COL6A6: variants seen among roughly 807,000 people sequenced by gnomAD.
The protein encoded by COL6A6 is collagen alpha-6(VI) chain.
A neutral mutation model predicts 208.6 loss-of-function variants in COL6A6; 183 were observed. The observed-to-expected ratio is 0.88, with a 90% CI of 0.78 to 0.99. The LOEUF (loss-of-function observed/expected upper bound fraction) is 0.99. Ranked by LOEUF, COL6A6 falls within the 50% of genes least tolerant of loss-of-function variation. The pLI is 0.00. For synonymous variants in COL6A6, 973 were observed against 1,011.8 expected, an observed-to-expected ratio of 0.96 and a Z score of 0.73; for missense variants, 2,816 against 2,815.2, an observed-to-expected ratio of 1.00 and a Z score of -0.01.
At chr3:130,581,937 G>T in intron 9 of COL6A6, 33 bp downstream of exon 9, 1 of 1,592,788 alleles carries the variant, frequency 6.3e-7, no homozygotes, top group Non-Finnish European at 8.6e-7. Flanking sequence ...GTTGGTCTAT[G>T]ATTGCAATGA....
chr3:130,589,258 G>T (rs1352565346), intron 12 of COL6A6, 76 bp downstream of exon 12: 1 of 1,006,982 alleles, frequency 9.9e-7, no homozygotes, highest in Non-Finnish European at 1.5e-6. Context: ...TAGAAATAAG[G>T]GGTGATTTTT....
In COL6A6 at chr3:130,557,933, C is replaced by A. The variant is rs1309634476; in HGVS notation, c.-31-2401C>A. Among the ~76,000 whole-genome samples, 3 of 152,040 alleles carry A rather than the reference C, an allele frequency of 2.0e-5. No individual in the cohort carries two copies. In the East Asian group the frequency reaches 5.8e-4, roughly 29 times the overall value. ...AGATTTTTTAAAAAGACCTTTATAG[C>A]ATATAAAGAGAAAGTATTAGCCTCA... On this transcript the variant is annotated intron_variant, in intron 1 of 36. Transcript: ENST00000358511.
At chr3:130,553,548 T>C (rs1455834376) in intron 1 of COL6A6, among the ~76,000 whole-genome samples, 2 of 152,220 alleles carry the variant, frequency 1.3e-5, no homozygotes, top group Non-Finnish European at 2.9e-5. Context: ...ATCTCCTGTA[T>C]CATTTTATTG....
intron 23 of COL6A6, among the ~76,000 whole-genome samples, chr3:130,617,855 T>C (rs968863095): frequency 6.6e-6 from 1 of 152,188 alleles, no homozygotes; most frequent in Non-Finnish European, 1.5e-5. Context: ...CAAGGTGTCC[T>C]TGGCAATGCC....
chr3:130,619,710 G>A (rs1425357524), intron 23 of COL6A6, among the ~76,000 whole-genome samples: 2 of 151,884 alleles, frequency 1.3e-5, no homozygotes, highest in Non-Finnish European at 2.9e-5. Flanking sequence ...AAGAGGGAGG[G>A]GTACAGAAAG....
chr3:130,649,566 T>C lies in COL6A6; in HGVS notation c.5733+4T>C. On this transcript the variant is annotated splice_donor_region_variant and intron_variant, in intron 33 of 36. Transcript: ENST00000358511. ...CTCGGTCAGGCGCGCATTTGCGGTA[T>C]GAGGATGAAACCTTTCACATGACAA... The C allele has an allele frequency of 6.4e-7, 1 of 1,571,766 alleles. No individual in the cohort carries two copies. The highest frequency in any genetic ancestry group is 8.6e-7 in the Non-Finnish European group (1 of 1,159,544).
At chr3:130,627,710 A>T (rs1476029034) in intron 26 of COL6A6, among the ~76,000 whole-genome samples, 3 of 152,180 alleles carry the variant, frequency 2.0e-5, no homozygotes, top group Non-Finnish European at 4.4e-5. Flanking sequence ...CAGTCCTCTT[A>T]TTATTATGTT....
At chr3:130,550,567 T>C (rs2062619309) in intron 1 of COL6A6, among the ~76,000 whole-genome samples, 1 of 152,160 alleles carries the variant, frequency 6.6e-6, no homozygotes, top group Admixed American at 6.5e-5. Flanking sequence ...GAATCATGGA[T>C]GGAGGTGAAA....
Position 130,641,664 on chromosome 3 carries a change from C to T in COL6A6, c.5104C>T (p.Leu1702Phe), listed in dbSNP as rs1327509688. ...ATTCTCCTTTGAGATATCTGCTGGG[C>T]TTCCAGGAGAGATGGGATCCCCTGG... Reference protein sequence around the residue: ...GARGKMISAGLPGEMGSPGEP... With the variant: ...GARGKMISAGFPGEMGSPGEP... Residue 1702 changes from leucine to phenylalanine, a missense_variant, in exon 29 of 37, where the codon CTT (leucine) becomes TTT (phenylalanine). By Grantham distance (22) the Leu-to-Phe change is conservative (BLOSUM62 0). Transcript: ENST00000358511. 2 of 1,591,152 alleles carry T rather than the reference C, an allele frequency of 1.3e-6. No homozygotes were observed. The highest frequency in any genetic ancestry group is 1.7e-6 in the Non-Finnish European group (2 of 1,161,460).
chr3:130,579,273 CAATG>C (rs761502463), intron 8 of COL6A6, among the ~76,000 whole-genome samples: 1 of 152,174 alleles, frequency 6.6e-6, no homozygotes, highest in Non-Finnish European at 1.5e-5. Context: ...TGGCAGGAAA[CAATG>C]AGACTATAAC....
intron 26 of COL6A6, among the ~76,000 whole-genome samples, chr3:130,634,240 AAT>A (rs1491292846): frequency 1.4e-5 from 2 of 139,308 alleles, no homozygotes; most frequent in African/African-American, 2.6e-5. Context: ...TAAATAAATA[AAT>A]AAAAAAAAAA....
At chr3:130,641,434 A>G (rs769682077) in intron 28 of COL6A6, among the ~76,000 whole-genome samples, 1 of 152,228 alleles carries the variant, frequency 6.6e-6, no homozygotes, top group African/African-American at 2.4e-5. Flanking sequence ...ATAAGAAAAG[A>G]CATCAAAATG....
intron 1 of COL6A6, among the ~76,000 whole-genome samples, chr3:130,550,591 T>C (rs2062619831): frequency 6.6e-6 from 1 of 152,208 alleles, no homozygotes; most frequent in South Asian, 2.1e-4. Flanking sequence ...ACTTCTTGCA[T>C]GGCAGCAGCA....
intron 1 of COL6A6, among the ~76,000 whole-genome samples, 76 bp downstream of exon 1, chr3:130,517,473 G>C (rs1710806446): frequency 6.6e-6 from 1 of 152,264 alleles, no homozygotes; most frequent in Non-Finnish European, 1.5e-5. Context: ...GGATGGGAGG[G>C]ACCGGCCAGA....
chr3:130,518,748 C>T (rs542590652), intron 1 of COL6A6, among the ~76,000 whole-genome samples: 3 of 152,112 alleles, frequency 2.0e-5, no homozygotes, highest in Non-Finnish European at 4.4e-5. Context: ...TTAGGTGATC[C>T]GCCCGCCTCA....
chr3:130,550,182 TGTTA>T (rs1298031250), intron 1 of COL6A6, among the ~76,000 whole-genome samples: 1 of 152,214 alleles, frequency 6.6e-6, no homozygotes, highest in African/African-American at 2.4e-5. Flanking sequence ...TTGCTGAAGT[TGTTA>T]ATTAGATCAA....
Position 130,643,012 on chromosome 3 carries a change from G to C in COL6A6, c.5216G>C (p.Arg1739Pro), listed in dbSNP as rs16830494. The C allele has an allele frequency of 6.2e-7, 1 of 1,613,542 alleles. No individual in the cohort carries two copies. Residue 1739 changes from arginine to proline, a missense_variant, in exon 31 of 37, where the codon CGA becomes CCA. Arg to Pro is a moderately radical substitution (Grantham distance 103). Transcript: ENST00000358511. ...ACATGTGAGCTCATTCAGTATGTGC[G>C]AGACCGCAGTCGTAAGTACCCTGCT... The part of the protein sequence containing the change: ...FSTCELIQYV[R>P]DRSPGRHGKP...
Position 130,661,937 on chromosome 3 carries a change from T to G in COL6A6, c.6131T>G (p.Met2044Arg). 1 of 1,614,024 alleles carries G rather than the reference T, an allele frequency of 6.2e-7. No individual in the cohort carries two copies. The highest frequency in any genetic ancestry group is 8.5e-7 in the Non-Finnish European group (1 of 1,179,884). The change falls in exon 35 of 37, where the codon ATG becomes AGG. Residue 2044 changes from methionine (M) to arginine (R), a missense_variant. Met to Arg is a moderately conservative substitution (Grantham distance 91). Transcript: ENST00000358511. ...NLTTYRSKRL[M>R]KRHVHESVKQ... ...ACCACCTACAGAAGTAAGCGCCTCA[T>G]GAAGAGGCATGTGCACGAGTCAGTT...
Position 130,525,650 on chromosome 3 carries a change from G to A in COL6A6, c.-32+8253G>A, listed in dbSNP as rs143640959. Among the ~76,000 whole-genome samples, 481 of 151,668 alleles carry A rather than the reference G, an allele frequency of 3.2e-3. 4 individuals are homozygous for A. The highest frequency in any genetic ancestry group is 9.0e-3 in the African/African-American group (370 of 41,298). ...CTCGGGAAAAAGACAGAAGTCATGA[G>A]TAGGTCCTGCAAAGCTGTGAATGGC... is the stretch of plus-strand genomic sequence containing the variant. On this transcript the variant is annotated intron_variant, in intron 1 of 36. Transcript: ENST00000358511.
Sources: gnomAD v4.1 joint callset for allele counts (sites outside exome capture counted in the v4.1 genomes callset) on GRCh38, gnomAD v4.1.1 for gene constraint, MANE v1.5 for transcripts, NCBI Gene and HGNC (gene_info 2026-07-23, HGNC 2026-07-21) for gene names.